Variants in PSD2 observed in about 807,000 individuals in gnomAD.
PSD2 encodes the protein pleckstrin and Sec7 domain containing 2.
A neutral mutation model predicts 69.8 loss-of-function variants in PSD2; 38 were observed. The observed-to-expected ratio is 0.54, with a 90% confidence interval of 0.42 to 0.71. PSD2 has a LOEUF of 0.71. Among genes scored for constraint, PSD2 ranks in the 30% least tolerant of loss-of-function variants. The pLI, the probability that PSD2 is intolerant of heterozygous loss-of-function variation, is 0.00. For synonymous variants in PSD2, 412 were observed against 423.0 expected, an observed-to-expected ratio of 0.97 and a Z score of 0.32; for missense variants, 943 against 1,014.5, an observed-to-expected ratio of 0.93 and a Z score of 0.96.
At chr5:139,772,030 T>A in the PSD2 span, among the ~76,000 whole-genome samples, 1 of 152,268 alleles carries the variant, frequency 6.6e-6, no homozygotes, top group South Asian at 2.1e-4. Context: ...TCTCCTTGGC[T>A]TGCTCTTAGG....
At chr5:139,788,529 C>G in the PSD2 span, among the ~76,000 whole-genome samples, 6 of 152,154 alleles carry the variant, frequency 3.9e-5, no homozygotes, top group Non-Finnish European at 4.4e-5. Context: ...GGGGGGGGCA[C>G]AAGGGGCTTC....
intron 7 of PSD2, among the ~76,000 whole-genome samples, chr5:139,823,482 T>C (rs1353147962): frequency 1.3e-5 from 2 of 152,132 alleles, no homozygotes; most frequent in Non-Finnish European, 2.9e-5. Flanking sequence ...CAGTGACTCA[T>C]GGGGACAACA....
chr5:139,744,948 A>G, the PSD2 span: 1 of 152,522 alleles, frequency 6.6e-6, no homozygotes, highest in Non-Finnish European at 1.5e-5. Context: ...TTTGAGGCCC[A>G]GAGATGTGCG....
rs1456283009 is a variant in PSD2, at chr5:139,844,456, C to T, written c.*1982C>T. ...AGATGAGATGAAAATAAATCTAAGTCAAAGTTCTAATAGTTCTTCCTGCAT... is the reference window on the plus strand; with the variant it reads ...AGATGAGATGAAAATAAATCTAAGTTAAAGTTCTAATAGTTCTTCCTGCAT... On this transcript the variant is annotated 3_prime_UTR_variant, in exon 15 of 15. Transcript: ENST00000274710. The T allele has an allele frequency of 6.6e-6, 1 of 152,440 alleles. No homozygotes were observed. The highest frequency in any genetic ancestry group is 2.4e-5 in the African/African-American group (1 of 41,428). 9.4% of individuals were successfully genotyped at this position (152,440 alleles called of 1,614,324 possible). A position where few individuals can be genotyped will look rare whatever the true frequency, so the allele number is the denominator to read the frequency against.
chr5:139,818,787 C>G (rs1033939582), intron 5 of PSD2, among the ~76,000 whole-genome samples: 2 of 152,116 alleles, frequency 1.3e-5, no homozygotes, highest in African/African-American at 4.8e-5. Context: ...GCTTAGCGTT[C>G]CAATAATGGA....
Position 139,813,533 on chromosome 5 carries a change from G to A in PSD2, c.596G>A (p.Gly199Asp). Reference sequence around the variant, plus strand: ...AGCCCTGAGCCAGGGGCTGGGTTGGGCATTGGGGACATGGCGTTTGAGGGG... The same window carrying A: ...AGCCCTGAGCCAGGGGCTGGGTTGGACATTGGGGACATGGCGTTTGAGGGG... ...RDSPEPGAGL[G>D]IGDMAFEGDM... The change falls in exon 3 of 15, where the codon GGC becomes GAC. Residue 199 changes from glycine to aspartate, a missense_variant. Gly to Asp is a moderately conservative substitution (Grantham distance 94, BLOSUM62 -1). Coordinates refer to ENST00000274710, the MANE Select transcript of PSD2 (RefSeq NM_032289.4). The A allele has an allele frequency of 1.9e-6, 3 of 1,610,294 alleles. No individual in the cohort carries two copies. In the South Asian group the frequency reaches 3.3e-5, roughly 18 times the overall value.
intron 1 of PSD2, among the ~76,000 whole-genome samples, chr5:139,804,490 G>A (rs1759748370): frequency 6.6e-6 from 1 of 152,160 alleles, no homozygotes. Context: ...CTTCCATCAA[G>A]TGCACAAAGA....
At chr5:139,804,096 C>T (rs576557746) in intron 1 of PSD2, among the ~76,000 whole-genome samples, 7 of 152,300 alleles carry the variant, frequency 4.6e-5, no homozygotes, top group African/African-American at 1.7e-4. Context: ...CTACATGCCA[C>T]ATGTTTGCAT....
chr5:139,764,138 C>T, the PSD2 span, among the ~76,000 whole-genome samples: 2 of 152,134 alleles, frequency 1.3e-5, no homozygotes, highest in South Asian at 2.1e-4. Context: ...ACACAGTCAG[C>T]GGGTGGCTGT....
intron 7 of PSD2, 104 bp downstream of exon 7, chr5:139,822,888 T>A: frequency 2.0e-6 from 2 of 1,015,252 alleles, no homozygotes; most frequent in Non-Finnish European, 2.8e-6. Context: ...GCCGGGCTTC[T>A]TTTTGAAGCG....
At chr5:139,763,165 T>C in the PSD2 span, among the ~76,000 whole-genome samples, 9 of 152,102 alleles carry the variant, frequency 5.9e-5, no homozygotes, top group African/African-American at 2.2e-4. Flanking sequence ...AGGAGGGGTC[T>C]GGAAGAAACA....
chr5:139,753,866 C>T, the PSD2 span, among the ~76,000 whole-genome samples: 5 of 147,516 alleles, frequency 3.4e-5, no homozygotes, highest in Non-Finnish European at 6.0e-5. Context: ...GATGGAGTTT[C>T]GCTCTTGTTG....
At chr5:139,761,092 C>T in the PSD2 span, among the ~76,000 whole-genome samples, 1 of 152,154 alleles carries the variant, frequency 6.6e-6, no homozygotes, top group Non-Finnish European at 1.5e-5. Flanking sequence ...AGAAGAAAGA[C>T]TCAGGGGCAA....
At chr5:139,810,747 A>G (rs1172133845) in intron 2 of PSD2, among the ~76,000 whole-genome samples, 1 of 151,908 alleles carries the variant, frequency 6.6e-6, no homozygotes, top group African/African-American at 2.4e-5. Flanking sequence ...TGGCCCTAAG[A>G]GTGTTTCCAT....
At chr5:139,821,599 G>A (rs1294995017) in intron 5 of PSD2, among the ~76,000 whole-genome samples, 1 of 152,216 alleles carries the variant, frequency 6.6e-6, no homozygotes, top group East Asian at 1.9e-4. Context: ...AGCAGGTGCT[G>A]AGGTGCTCTT....
At chr5:139,838,846 A>G in intron 13 of PSD2, 74 bp downstream of exon 13, 2 of 1,505,726 alleles carry the variant, frequency 1.3e-6, no homozygotes, top group Non-Finnish European at 9.1e-7. Context: ...CAGCAGCCCC[A>G]CCCCAGCTCT....
At chr5:139,791,709 AAGG>A (rs1161913892), upstream of PSD2, among the ~76,000 whole-genome samples, 4 of 152,354 alleles carry the variant, frequency 2.6e-5, no homozygotes, top group East Asian at 5.8e-4. Flanking sequence ...AGCATGGTGA[AAGG>A]AGAACAGGTT....
chr5:139,813,266 G>A, intron 2 of PSD2, 43 bp from the exon 3 acceptor site: 2 of 1,486,834 alleles, frequency 1.3e-6, no homozygotes, highest in Non-Finnish European at 1.8e-6. Context: ...CCTGTATGGG[G>A]GACAGCTTGG....
intron 8 of PSD2, among the ~76,000 whole-genome samples, chr5:139,834,325 A>AC (rs1760664056): frequency 6.6e-6 from 1 of 151,872 alleles, no homozygotes; most frequent in Admixed American, 6.6e-5. Context: ...TCATTCTGTC[A>AC]CCCACCCTGG....
Sources: gnomAD v4.1 joint callset for allele counts (sites outside exome capture counted in the v4.1 genomes callset) on GRCh38, gnomAD v4.1.1 for gene constraint, MANE v1.5 for transcripts, NCBI Gene and HGNC (gene_info 2026-07-23, HGNC 2026-07-21) for gene names.